The following KIF1B variants were observed in gnomAD, a reference collection of about 807,000 sequenced individuals.
The protein encoded by KIF1B is kinesin-like protein KIF1B.
A neutral mutation model predicts 241.9 loss-of-function variants in KIF1B; 76 were observed. The observed-to-expected ratio is 0.31, with a 90% CI of 0.26 to 0.38. The LOEUF (loss-of-function observed/expected upper bound fraction) is 0.38. KIF1B is among the 10% of genes least tolerant of loss of function. The pLI, the probability that KIF1B is intolerant of heterozygous loss-of-function variation, is 1.00. For synonymous variants in KIF1B, 750 were observed against 796.7 expected (o/e 0.94, Z 0.99); for missense variants, 1,622 against 2,271.4 (o/e 0.71, Z 5.81).
intron 38 of KIF1B, among the ~76,000 whole-genome samples, chr1:10,360,726 A>T (rs544610120): frequency 6.6e-6 from 1 of 150,452 alleles, no homozygotes; most frequent in East Asian, 2.0e-4. Context: ...TTCCTTAATG[A>T]TGGGTGGGGT....
At chr1:10,343,415 C>A in intron 34 of KIF1B, 128 bp downstream of exon 34, 1 of 890,594 alleles carries the variant, frequency 1.1e-6, no homozygotes. Context: ...ATTCCTGCTC[C>A]TCTTGTATGT....
intron 15 of KIF1B, among the ~76,000 whole-genome samples, chr1:10,286,109 G>A (rs1649681249): frequency 6.6e-6 from 1 of 151,618 alleles, no homozygotes; most frequent in Non-Finnish European, 1.5e-5. Flanking sequence ...ACGCGATCTC[G>A]GCTCACTGCA....
intron 22 of KIF1B, chr1:10,304,806 A>G (rs1032428439): frequency 7.4e-6 from 11 of 1,492,258 alleles, no homozygotes; most frequent in Admixed American, 4.4e-5. Flanking sequence ...AAAAGTTTCA[A>G]CACCTCCCTT....
chr1:10,261,603 A>T (rs1484212336), intron 4 of KIF1B, among the ~76,000 whole-genome samples: 1 of 152,190 alleles, frequency 6.6e-6, no homozygotes, highest in African/African-American at 2.4e-5. Context: ...GCACACATTT[A>T]TTAGCCTAGG....
chr1:10,232,319 G>A lies in KIF1B; in HGVS notation c.-10G>A. The A allele has an allele frequency of 6.4e-7, 1 of 1,571,010 alleles. No homozygotes were observed. Among genetic ancestry groups the A allele is most frequent in the Non-Finnish European group, 8.8e-7 (1 of 1,142,166 alleles). ...TGGACTGCATATATATATATAACAAGGCCATTAAAATGTCGGGAGCCTCAG... is the reference window on the plus strand; with the variant it reads ...TGGACTGCATATATATATATAACAAAGCCATTAAAATGTCGGGAGCCTCAG... On this transcript the variant is annotated 5_prime_UTR_variant, in exon 2 of 49. Transcript: ENST00000676179.
Position 10,345,858 on chromosome 1 carries a change from G to A in KIF1B, c.3702G>A (p.Lys1234=), listed in dbSNP as rs750281030. 1.2e-5 allele frequency: 19 copies of A among 1,613,958 alleles called. No individual in the cohort carries two copies. Among genetic ancestry groups the A allele is most frequent in the Non-Finnish European group, 1.5e-5 (18 of 1,179,974 alleles). The stretch of plus-strand genomic sequence containing the variant: ...AACTTTTAAAAGTTCCAGCCACCAA[G>A]TTAAACACGATGAGCAAAACCAGCC... ...MPLSKPVPAT[K]LNTMSKTSLG... Residue 1234 remains lysine (K), a synonymous_variant, in exon 35 of 49, where the codon AAG becomes AAA. Coordinates refer to ENST00000676179, the MANE Select transcript of KIF1B (RefSeq NM_001365951.3).
At chr1:10,296,826 G>A (rs1650287700) in intron 20 of KIF1B, 71 bp from the exon 21 acceptor site, 3 of 1,424,410 alleles carry the variant, frequency 2.1e-6, no homozygotes, top group Non-Finnish European at 2.9e-6. Context: ...TTAGGGAGGG[G>A]TGAGGTTGTT....
At chr1:10,298,307 C>G (rs1469599756) in intron 22 of KIF1B, among the ~76,000 whole-genome samples, 1 of 152,150 alleles carries the variant, frequency 6.6e-6, no homozygotes, top group Non-Finnish European at 1.5e-5. Flanking sequence ...ATGCTCTGTG[C>G]TTTGGAGAAG....
chr1:10,277,867 T>C, intron 12 of KIF1B, 119 bp from the exon 13 acceptor site: 1 of 873,938 alleles, frequency 1.1e-6, no homozygotes, highest in East Asian at 2.7e-5. Flanking sequence ...AAATGTATTA[T>C]TATCAAGGCT....
At position 10,375,902 on chromosome 1, in the gene KIF1B, T is replaced by TTCTCCTGCCTCAG. The variant is rs1212518667; in HGVS notation, c.5408+537_5408+549dup. On this transcript the variant is annotated intron_variant, in intron 48 of 48. Transcript: ENST00000676179. ...ACCTCCACCTCCCAGGTTCAAGCCA[T>TTCTCCTGCCTCAG]TCTCCTGCCTCAGTCTCCTGAGTAG... is the stretch of plus-strand genomic sequence containing the variant. Among the ~76,000 whole-genome samples the TTCTCCTGCCTCAG allele has an allele frequency of 3.4e-5, 5 of 146,090 alleles. 1 individual carries two copies. The East Asian group carries it at 1.1e-3, about 33-fold the overall frequency.
At chr1:10,272,789 A>G (rs1334115496) in intron 9 of KIF1B, among the ~76,000 whole-genome samples, 2 of 147,756 alleles carry the variant, frequency 1.4e-5, no homozygotes, top group Admixed American at 1.4e-4. Context: ...AACTAAAACT[A>G]TTTTTTTTAA....
chr1:10,289,015 T>G (rs568807664), intron 15 of KIF1B, among the ~76,000 whole-genome samples: 51 of 152,358 alleles, frequency 3.3e-4, no homozygotes, highest in Middle Eastern at 3.4e-3. Context: ...ATATGAATCA[T>G]ACATTGAAGT....
chr1:10,277,148 A>T (rs1381581071), intron 12 of KIF1B, among the ~76,000 whole-genome samples: 1 of 152,008 alleles, frequency 6.6e-6, no homozygotes, highest in Admixed American at 6.6e-5. Context: ...TAGCAATATT[A>T]AAAAATTACC....
intron 9 of KIF1B, 112 bp downstream of exon 9, chr1:10,272,418 TTGCC>T (rs1387550651): frequency 1.3e-6 from 1 of 774,002 alleles, no homozygotes; most frequent in Admixed American, 1.8e-5. Flanking sequence ...TTCTGTAATC[TTGCC>T]TTTCTCCTTT....
At chr1:10,341,444 C>T (rs767608165) in intron 32 of KIF1B, among the ~76,000 whole-genome samples, 1 of 152,172 alleles carries the variant, frequency 6.6e-6, no homozygotes, top group Non-Finnish European at 1.5e-5. Context: ...CAGTCCTTGG[C>T]ACAGCTGAGG....
Position 10,258,568 on chromosome 1 carries a change from G to C in KIF1B, c.259G>C (p.Glu87Gln), listed in dbSNP as rs561371619. Residue 87 changes from glutamate to glutamine, a missense_variant, in exon 4 of 49, where the codon GAG (glutamate) becomes CAG (glutamine). By Grantham distance (29) the Glu-to-Gln change is conservative. This residue lies in a region of KIF1B where 156 missense variants were observed against 244.8 expected (regional missense o/e 0.64). Transcript: ENST00000676179. ...CAAGGAAATGCTCTTACACGCCTTTGAGGGATATAATGTCTGTATTTTTGC... is the reference window on the plus strand; with the variant it reads ...CAAGGAAATGCTCTTACACGCCTTTCAGGGATATAATGTCTGTATTTTTGC... Reference protein sequence around the residue: ...IGKEMLLHAFEGYNVCIFAYG... With the variant: ...IGKEMLLHAFQGYNVCIFAYG... 1 of 1,614,158 alleles carries C rather than the reference G, an allele frequency of 6.2e-7. No homozygotes were observed. Among genetic ancestry groups the C allele is most frequent in the African/African-American group, 1.3e-5 (1 of 75,062 alleles).
rs976924130 is a variant in KIF1B, at chr1:10,286,944, C to G, written c.1435-4138C>G. On this transcript the variant is annotated intron_variant, in intron 15 of 48. Transcript: ENST00000676179. ...ATTTCAAGTTCATCTTACATTAGGC[C>G]CCTAGAGTGGGGTATGGGAAGCCCT... is the stretch of plus-strand genomic sequence containing the variant. 2.6e-5 allele frequency among the ~76,000 whole-genome samples: 4 copies of G among 152,030 alleles called. No homozygotes were observed. The East Asian group carries it at 7.7e-4, about 29-fold the overall frequency.
At chr1:10,317,955 C>T (rs1651370230) in intron 22 of KIF1B, among the ~76,000 whole-genome samples, 1 of 151,442 alleles carries the variant, frequency 6.6e-6, no homozygotes, top group Non-Finnish European at 1.5e-5. Flanking sequence ...AGGTCAAATG[C>T]TAAAATCTTT....
chr1:10,281,101 G>A (rs1649385077), intron 14 of KIF1B, among the ~76,000 whole-genome samples: 4 of 152,086 alleles, frequency 2.6e-5, no homozygotes, highest in African/African-American at 9.7e-5. Flanking sequence ...AGCAACCACT[G>A]GCTTTAAGGG....
Sources: allele counts gnomAD v4.1 joint callset (sites outside exome capture counted in the v4.1 genomes callset), GRCh38; gene constraint gnomAD v4.1.1; regional missense constraint gnomAD v4.1.1; transcripts MANE v1.5; gene names NCBI Gene and HGNC (gene_info 2026-07-23, HGNC 2026-07-21).